Variants in POLR1C observed in about 807,000 individuals in gnomAD.
The protein encoded by POLR1C is RNA polymerase I and III subunit C.
In POLR1C, 42 loss-of-function variants were observed where a neutral mutation model predicts 38.3. The observed-to-expected ratio is 1.10, with a 90% CI of 0.86 to 1.42. The LOEUF is 1.42. Ranked by LOEUF, POLR1C falls within the 40% of genes most tolerant of loss-of-function variation. The pLI, the probability that POLR1C is intolerant of heterozygous loss-of-function variation, is 0.00. For missense variants in POLR1C, 507 were observed against 450.5 expected (o/e 1.13, Z -1.14); for synonymous variants, 163 against 163.9 (o/e 0.99, Z 0.04).
chr6:43,561,061 A>G, intron 10 of POLR1C: 1 of 1,402,150 alleles, frequency 7.1e-7, no homozygotes, highest in African/African-American at 1.4e-5. Flanking sequence ...GCAGGAGAGG[A>G]AAAAGCAGGG....
chr6:43,557,782 G>GT (rs1168002454), intron 10 of POLR1C, among the ~76,000 whole-genome samples: 5 of 58,408 alleles, frequency 8.6e-5, no homozygotes, highest in Admixed American at 5.2e-4. Context: ...CAATAAAGCT[G>GT]TAAAAAAAAA....
chr6:43,526,023 A>G, downstream of POLR1C: 11 of 1,354,576 alleles, frequency 8.1e-6, no homozygotes, highest in Non-Finnish European at 1.1e-5. Flanking sequence ...TGAGTGTTCT[A>G]GGCTAAGTGG....
At chr6:43,539,062 G>A (rs1173872364) in intron 9 of POLR1C, 62 of 1,512,314 alleles carry the variant, frequency 4.1e-5, no homozygotes, top group Non-Finnish European at 5.3e-5. Flanking sequence ...CAGCCATCAT[G>A]AGCAGCTTCT....
chr6:43,523,010 G>A (rs1793292803), downstream of POLR1C: 1 of 163,116 alleles, frequency 6.1e-6, no homozygotes, highest in Non-Finnish European at 1.4e-5. Context: ...AAGACCAGCG[G>A]CTTTGCTAGC....
intron 8 of POLR1C, chr6:43,529,239 A>G: frequency 7.2e-7 from 1 of 1,389,328 alleles, no homozygotes; most frequent in African/African-American, 1.5e-5. Context: ...CATTCTCCTT[A>G]TAATTTCAGG....
At chr6:43,525,858 T>A, downstream of POLR1C, 1 of 1,614,046 alleles carries the variant, frequency 6.2e-7, no homozygotes, top group Non-Finnish European at 8.5e-7. Flanking sequence ...CATCAGACAT[T>A]TGCCCAGGTC....
chr6:43,520,605 C>G lies in POLR1C; in HGVS notation c.656-20C>G. 6.2e-7 allele frequency: 1 copy of G among 1,614,066 alleles called. No homozygotes were observed. The highest frequency in any genetic ancestry group is 8.5e-7 in the Non-Finnish European group (1 of 1,179,934). ...ACCCTAGAAGGGTTTCCTATAGGCA[C>G]GTTCCCTCTTCCTCTCCAGGCAAAG... is the stretch of plus-strand genomic sequence containing the variant. On this transcript the variant is annotated intron_variant, in intron 6 of 8. Coordinates refer to ENST00000642195, the MANE Select transcript of POLR1C (RefSeq NM_203290.4).
chr6:43,546,521 T>G (rs887434358), intron 9 of POLR1C: 1 of 1,545,424 alleles, frequency 6.5e-7, no homozygotes. Flanking sequence ...CTTTTGAAAT[T>G]TTTAAGGTAA....
At chr6:43,553,707 T>C in intron 10 of POLR1C, 5 of 1,129,276 alleles carry the variant, frequency 4.4e-6, no homozygotes, top group Non-Finnish European at 5.8e-6. Flanking sequence ...TAGGTGAAGG[T>C]TCCTACCATG....
At position 43,549,926 on chromosome 6, in the gene POLR1C, T is replaced by C. The variant is rs1448744802; in HGVS notation, c.*5-1042T>C. ...CTTCAACAGTTTCAAAAGTGACAGA[T>C]GAAAATAGCTAAGGGAGAGGAGGAA... is the stretch of plus-strand genomic sequence containing the variant. On this transcript the variant is annotated intron_variant, in intron 9 of 10. Transcript: ENST00000607635. 1.9e-6 allele frequency: 3 copies of C among 1,612,382 alleles called. No individual in the cohort carries two copies. The highest frequency in any genetic ancestry group is 2.2e-5 in the East Asian group (1 of 44,858).
downstream of POLR1C, among the ~76,000 whole-genome samples, chr6:43,534,497 C>G (rs1161987462): frequency 6.6e-6 from 1 of 152,184 alleles, no homozygotes; most frequent in Non-Finnish European, 1.5e-5. Context: ...CATGCTGTCC[C>G]CCACCAAAAT....
At chr6:43,521,598 C>T (rs544887901), downstream of POLR1C, 31 of 556,986 alleles carry the variant, frequency 5.6e-5, no homozygotes, top group South Asian at 5.7e-4. Context: ...AATCTCAGCT[C>T]ACTGCAGCTT....
downstream of POLR1C, chr6:43,524,041 C>T (rs757103216): frequency 6.2e-7 from 1 of 1,601,548 alleles, no homozygotes; most frequent in South Asian, 1.1e-5. Context: ...TAATGCTGGG[C>T]CCTCAGTAGT....
At chr6:43,531,234 T>A (rs1376049271), downstream of POLR1C, among the ~76,000 whole-genome samples, 1 of 140,538 alleles carries the variant, frequency 7.1e-6, no homozygotes, top group Non-Finnish European at 1.6e-5. Context: ...CATCATTTTA[T>A]ACACTAGAAA....
At chr6:43,524,953 G>A (rs753786634), downstream of POLR1C, 10 of 1,613,508 alleles carry the variant, frequency 6.2e-6, no homozygotes, top group South Asian at 1.1e-4. Flanking sequence ...TCTGCGAGCA[G>A]TGTCCCTGAC....
chr6:43,525,298 T>A, downstream of POLR1C: 1 of 668,356 alleles, frequency 1.5e-6, no homozygotes. Flanking sequence ...AGCCGGAGGG[T>A]TTTTTTTTTT....
chr6:43,548,741 T>C (rs1044635391), intron 9 of POLR1C, among the ~76,000 whole-genome samples: 8 of 150,770 alleles, frequency 5.3e-5, no homozygotes, highest in African/African-American at 1.7e-4. Flanking sequence ...TAGATATATA[T>C]GTATATCTAT....
intron 2 of POLR1C, among the ~76,000 whole-genome samples, chr6:43,518,398 TGA>T (rs1335496830): frequency 6.6e-6 from 1 of 152,204 alleles, no homozygotes; most frequent in Non-Finnish European, 1.5e-5. Context: ...TATCATTTAC[TGA>T]GAGGAGAAAT....
At chr6:43,552,919 T>C (rs551868565) in intron 10 of POLR1C, among the ~76,000 whole-genome samples, 1 of 152,294 alleles carries the variant, frequency 6.6e-6, no homozygotes, top group Non-Finnish European at 1.5e-5. Context: ...TGGTCCCCAT[T>C]TTGCCATTTA....
Sources: allele counts gnomAD v4.1 joint callset (sites outside exome capture counted in the v4.1 genomes callset), GRCh38; gene constraint gnomAD v4.1.1; transcripts MANE v1.5; gene names NCBI Gene and HGNC (gene_info 2026-07-23, HGNC 2026-07-21).